The following ITPRID2 variants were observed in gnomAD, a reference collection of about 807,000 sequenced individuals.
The protein encoded by ITPRID2 is protein ITPRID2.
Under a neutral mutation model 124.3 loss-of-function variants are expected in ITPRID2, and 60 were observed. The ratio of observed to expected loss-of-function variants is 0.48; its 90% CI spans 0.39 to 0.60. The LOEUF is 0.60. Among genes scored for constraint, ITPRID2 ranks in the 20% least tolerant of loss-of-function variants. ITPRID2 has a pLI of 0.00. For synonymous variants in ITPRID2, 521 were observed against 542.9 expected, an observed-to-expected ratio of 0.96 and a Z score of 0.56; for missense variants, 1,553 against 1,512.2, an observed-to-expected ratio of 1.03 and a Z score of -0.45.
At position 181,918,851 on chromosome 2, in the gene ITPRID2, A is replaced by G. The variant is rs201023437; in HGVS notation, c.2962A>G (p.Met988Val). The change falls in exon 13 of 18, where the codon ATG becomes GTG. Residue 988 changes from methionine to valine, a missense_variant. Met to Val is a conservative substitution (Grantham distance 21). Transcript: ENST00000431877. ...LELAMLRQQT[M>V]VYHHMTEEER... ...ATTGGCAATGCTGCGTCAGCAAACCATGGTTTATCATCATATGACTGAGGA... is the reference window on the plus strand; with the variant it reads ...ATTGGCAATGCTGCGTCAGCAAACCGTGGTTTATCATCATATGACTGAGGA... 5.0e-6 allele frequency: 8 copies of G among 1,614,084 alleles called. No individual in the cohort carries two copies. Among genetic ancestry groups the G allele is most frequent in the South Asian group, 1.1e-5 (1 of 91,094 alleles).
Position 181,902,867 on chromosome 2 carries a change from G to A in ITPRID2, c.1413+401G>A, listed in dbSNP as rs1359435162. Among the ~76,000 whole-genome samples, 1 of 152,134 alleles carries A rather than the reference G, an allele frequency of 6.6e-6. No homozygotes were observed. Among genetic ancestry groups the A allele is most frequent in the Non-Finnish European group, 1.5e-5 (1 of 68,034 alleles). On this transcript the variant is annotated intron_variant, in intron 8 of 17. Coordinates refer to ENST00000431877, the MANE Select transcript of ITPRID2 (RefSeq NM_001130445.3). The surrounding 1 kb of genome is among the most constrained non-coding windows in gnomAD (Gnocchi z 4.4). ...GCCACTGAATGACTGTATGCCTTTGGGCAAGCTTTTCTTAACATATCTCAG... is the reference window on the plus strand; with the variant it reads ...GCCACTGAATGACTGTATGCCTTTGAGCAAGCTTTTCTTAACATATCTCAG...
At chr2:181,929,473 T>C in intron 17 of ITPRID2, 88 bp from the exon 18 acceptor site, 3 of 789,726 alleles carry the variant, frequency 3.8e-6, no homozygotes, top group Non-Finnish European at 6.3e-6. Context: ...TATATATATT[T>C]GCATAAAATT....
At position 181,918,700 on chromosome 2, in the gene ITPRID2, G is replaced by A. The variant is rs778109567; in HGVS notation, c.2865+25G>A. 8 of 1,613,676 alleles carry A rather than the reference G, an allele frequency of 5.0e-6. No homozygotes were observed. The East Asian group carries it at 1.8e-4, about 36-fold the overall frequency. On this transcript the variant is annotated intron_variant, in intron 12 of 17. Transcript: ENST00000431877. ...AGTAAGTTCTTTCTTACATCTTTGT[G>A]TTCCAAAATAATTTGTAGAATTTAG...
At position 181,905,828 on chromosome 2, in the gene ITPRID2, C is replaced by T. The variant is rs1427656503; in HGVS notation, c.1413+3362C>T. ...ATTGGTCTGAGTTAAAATAATCCCA[C>T]ATCAGTCAGATATTTGACAGATAAT... On this transcript the variant is annotated intron_variant, in intron 8 of 17. Coordinates refer to ENST00000431877, the MANE Select transcript of ITPRID2 (RefSeq NM_001130445.3). The surrounding 1 kb of genome is among the most constrained non-coding windows in gnomAD (Gnocchi z 4.1). 6.6e-6 allele frequency among the ~76,000 whole-genome samples: 1 copy of T among 152,176 alleles called. No homozygotes were observed. Among genetic ancestry groups the T allele is most frequent in the Non-Finnish European group, 1.5e-5 (1 of 68,028 alleles).
chr2:181,916,717 T>TA, intron 11 of ITPRID2: 1 of 742,072 alleles, frequency 1.3e-6, no homozygotes, highest in African/African-American at 1.8e-5. Flanking sequence ...TATCATCCAC[T>TA]GTCTTTGTTT....
chr2:181,908,101 G>A (rs369108276), intron 8 of ITPRID2, among the ~76,000 whole-genome samples: 23 of 152,230 alleles, frequency 1.5e-4, no homozygotes, highest in African/African-American at 4.8e-4. Flanking sequence ...CGGGTGCGGC[G>A]GCTCACACCT....
Position 181,910,358 on chromosome 2 carries a change from G to C in ITPRID2, c.1486+387G>C, listed in dbSNP as rs2125087135. On this transcript the variant is annotated intron_variant, in intron 9 of 17. Coordinates refer to ENST00000431877, the MANE Select transcript of ITPRID2 (RefSeq NM_001130445.3). The surrounding 1 kb of genome is among the most constrained non-coding windows in gnomAD (Gnocchi z 4.1). The stretch of plus-strand genomic sequence containing the variant: ...TTTCACTATATAAATATAGCTCCTA[G>C]GTATAACACATGAATATTCCTCTAG... 2.0e-6 allele frequency: 1 copy of C among 489,274 alleles called. No individual in the cohort carries two copies. Among genetic ancestry groups the C allele is most frequent in the Non-Finnish European group, 3.6e-6 (1 of 276,642 alleles). The allele number at this position is 489,274 out of a possible 1,614,324, so 30.3% of individuals were successfully genotyped here.
intron 10 of ITPRID2, 142 bp from the exon 11 acceptor site, chr2:181,915,074 C>A: frequency 1.1e-6 from 1 of 890,188 alleles, no homozygotes; most frequent in Non-Finnish European, 1.7e-6. Context: ...TGCTCAGGAG[C>A]AATAAAACAA....
In ITPRID2 at chr2:181,917,103, A is replaced by T. The variant is rs547068040; in HGVS notation, c.2787+676A>T. On this transcript the variant is annotated intron_variant, in intron 11 of 17. Coordinates refer to ENST00000431877, the MANE Select transcript of ITPRID2 (RefSeq NM_001130445.3). Reference sequence around the variant, plus strand: ...AGACTGGAAATAATTTTCCCAAAAAAATTTTGAAAATAAGTACGTTGTCTT... The same window carrying T: ...AGACTGGAAATAATTTTCCCAAAAATATTTTGAAAATAAGTACGTTGTCTT... The T allele has an allele frequency of 7.8e-5, 61 of 784,440 alleles. No individual in the cohort carries two copies. In the African/African-American group the frequency reaches 1.1e-3, roughly 14 times the overall value. The allele number at this position is 784,440 out of a possible 1,614,324, so 48.6% of individuals were successfully genotyped here.
At chr2:181,912,817 T>C (rs961705393) in intron 9 of ITPRID2, among the ~76,000 whole-genome samples, 2 of 152,190 alleles carry the variant, frequency 1.3e-5, no homozygotes, top group Admixed American at 6.5e-5. Flanking sequence ...TTTTTACTTA[T>C]GTAAAACATT....
intron 6 of ITPRID2, among the ~76,000 whole-genome samples, chr2:181,900,201 C>T (rs1363844352): frequency 2.0e-5 from 3 of 152,196 alleles, no homozygotes; most frequent in African/African-American, 7.2e-5. Flanking sequence ...GTAAGCTCCT[C>T]CCTCGCTTCT....
rs776261063 is a variant in ITPRID2, at chr2:181,896,069, T to C, written c.297T>C (p.Ser99=). The C allele has an allele frequency of 6.2e-7, 1 of 1,612,846 alleles. No homozygotes were observed. Among genetic ancestry groups the C allele is most frequent in the East Asian group, 2.2e-5 (1 of 44,832 alleles). ...CCTCACTGGATGAACAAAGCAGTAG[T>C]ACACTCAAGGGTAAGAGAAGGTTGC... ...LGASLDEQSS[S]TLKGVLVRNG... Residue 99 remains serine (S), a synonymous_variant, in exon 3 of 18, where the codon AGT becomes AGC. Coordinates refer to ENST00000431877, the MANE Select transcript of ITPRID2 (RefSeq NM_001130445.3). The surrounding 1 kb of genome is among the most constrained non-coding windows in gnomAD (Gnocchi z 4.3).
intron 16 of ITPRID2, among the ~76,000 whole-genome samples, chr2:181,924,424 A>G (rs924807714): frequency 6.6e-6 from 1 of 152,194 alleles, no homozygotes; most frequent in African/African-American, 2.4e-5. Context: ...AATTTTTTAA[A>G]ATCTTGGTGT....
At chr2:181,924,914 T>C (rs1315606290) in intron 16 of ITPRID2, among the ~76,000 whole-genome samples, 1 of 152,230 alleles carries the variant, frequency 6.6e-6, no homozygotes, top group Non-Finnish European at 1.5e-5. Context: ...CTGAAACTGT[T>C]TGCAGTTACT....
chr2:181,914,029 C>A (rs1693835542), intron 10 of ITPRID2, 96 bp downstream of exon 10: 1 of 747,462 alleles, frequency 1.3e-6, no homozygotes, highest in South Asian at 1.9e-5. Context: ...TCTGTATAAT[C>A]TTTATTTTTC....
Position 181,902,056 on chromosome 2 carries a change from A to C in ITPRID2, c.1003A>C (p.Ser335Arg), listed in dbSNP as rs777815338. Residue 335 changes from serine to arginine, a missense_variant, in exon 8 of 18, where the codon AGT (serine) becomes CGT (arginine). Physicochemically the swap from Ser to Arg is moderately radical, Grantham distance 110. Coordinates refer to ENST00000431877, the MANE Select transcript of ITPRID2 (RefSeq NM_001130445.3). This position sits in a 1 kb window ranked among gnomAD's most constrained non-coding sequence, Gnocchi z 4.4. The stretch of plus-strand genomic sequence containing the variant: ...TCTAAATGTTTCAGTGATTGAAGAA[A>C]GTGGCAATAAAAACGATCAAAAGTC... ...KILNVSVIEE[S>R]GNKNDQKSQK... 1 of 1,612,348 alleles carries C rather than the reference A, an allele frequency of 6.2e-7. No homozygotes were observed. Among genetic ancestry groups the C allele is most frequent in the East Asian group, 2.2e-5 (1 of 44,862 alleles).
Position 181,904,243 on chromosome 2 carries a change from A to G in ITPRID2, c.1413+1777A>G, listed in dbSNP as rs191557769. Among the ~76,000 whole-genome samples, 90 of 151,842 alleles carry G rather than the reference A, an allele frequency of 5.9e-4. No individual in the cohort carries two copies. The East Asian group carries it at 0.015, about 25-fold the overall frequency. ...TTTTTGCCCCCTCTACTGGCAAAAA[A>G]GGTTAATGAAGAAAGCAATGTAGCA... is the stretch of plus-strand genomic sequence containing the variant. On this transcript the variant is annotated intron_variant, in intron 8 of 17. Coordinates refer to ENST00000431877, the MANE Select transcript of ITPRID2 (RefSeq NM_001130445.3).
chr2:181,909,798 C>A, intron 8 of ITPRID2, 101 bp from the exon 9 acceptor site: 1 of 737,294 alleles, frequency 1.4e-6, no homozygotes, highest in Non-Finnish European at 2.2e-6. Context: ...TGTTTTGGTG[C>A]ACTTGAGTTA....
At chr2:181,925,784 C>G (rs547548115) in intron 16 of ITPRID2, among the ~76,000 whole-genome samples, 53 of 152,220 alleles carry the variant, frequency 3.5e-4, no homozygotes, top group African/African-American at 1.2e-3. Flanking sequence ...CTCCATTATA[C>G]TCCCCTCTTA....
Sources: allele counts gnomAD v4.1 joint callset (sites outside exome capture counted in the v4.1 genomes callset), GRCh38; gene constraint gnomAD v4.1.1; non-coding constraint Gnocchi (gnomAD v3.1); transcripts MANE v1.5; gene names NCBI Gene and HGNC (gene_info 2026-07-23, HGNC 2026-07-21).